SBNO2: variants seen among roughly 807,000 people sequenced by gnomAD.
SBNO2 encodes strawberry notch homolog 2, also known as protein strawberry notch homolog 2.
In SBNO2, 89 loss-of-function variants were observed where a neutral mutation model predicts 146.3. That is an observed-to-expected ratio of 0.61 (90% CI 0.51 to 0.73). The LOEUF is 0.73. SBNO2 is among the 30% of genes least tolerant of loss of function. The probability of loss-of-function intolerance (pLI) is 0.00; values close to 1 mark genes in which losing one functional copy is unlikely to be tolerated. For synonymous variants in SBNO2, 1,147 were observed against 892.6 expected, an observed-to-expected ratio of 1.29 and a Z score of -5.08; for missense variants, 2,092 against 2,003.7, an observed-to-expected ratio of 1.04 and a Z score of -0.84.
In SBNO2 at chr19:1,158,528, G is replaced by T. The variant is rs1158195678; in HGVS notation, c.-126-4126C>A. On this transcript the variant is annotated intron_variant, in intron 1 of 31. Coordinates refer to ENST00000361757, the MANE Select transcript of SBNO2 (RefSeq NM_014963.3). This position sits in a 1 kb window ranked among gnomAD's most constrained non-coding sequence, Gnocchi z 9.9. ...CCCAGGGCGCACGGCACACCCCAGA[G>T]CGCTCCGCCCAGGCCCGGGTTCTGG... Among the ~76,000 whole-genome samples the T allele has an allele frequency of 6.6e-6, 1 of 152,198 alleles. No individual in the cohort carries two copies. The highest frequency in any genetic ancestry group is 1.5e-5 in the Non-Finnish European group (1 of 68,034).
Position 1,119,923 on chromosome 19 carries a change from A to G in SBNO2, c.1250T>C (p.Val417Ala), listed in dbSNP as rs2079880094. 1 of 1,547,296 alleles carries G rather than the reference A, an allele frequency of 6.5e-7. No individual in the cohort carries two copies. Among genetic ancestry groups the G allele is most frequent in the Non-Finnish European group, 8.7e-7 (1 of 1,146,784 alleles). ...LQNKLPLARV[V>A]YASATGASEP... ...CGCCCCACCTGTGGCGCTGGCGTAGACCACGCGGGCCAGGGGCAGCTTGTT... is the reference window on the plus strand; with the variant it reads ...CGCCCCACCTGTGGCGCTGGCGTAGGCCACGCGGGCCAGGGGCAGCTTGTT... The change falls in exon 12 of 32, where the codon GTC (valine) becomes GCC (alanine). Residue 417 changes from valine to alanine, a missense_variant. Physicochemically the swap from Val to Ala is moderately conservative, Grantham distance 64. Transcript: ENST00000361757.
At chr19:1,153,569 C>T (rs2080261886) in intron 2 of SBNO2, among the ~76,000 whole-genome samples, 1 of 151,174 alleles carries the variant, frequency 6.6e-6, no homozygotes, top group African/African-American at 2.4e-5. Flanking sequence ...TGGAGTCTCA[C>T]TCTTGTCGCC....
At position 1,110,600 on chromosome 19, in the gene SBNO2, C is replaced by T. The variant is rs888087845; in HGVS notation, c.3028+145G>A. Reference sequence around the variant, plus strand: ...CGTTCCCACGAGCCCCTCGCCCACCCGGGATGCACGGTGTTCCCACGAGCC... The same window carrying T: ...CGTTCCCACGAGCCCCTCGCCCACCTGGGATGCACGGTGTTCCCACGAGCC... On this transcript the variant is annotated intron_variant, in intron 26 of 31. Coordinates refer to ENST00000361757, the MANE Select transcript of SBNO2 (RefSeq NM_014963.3). This position sits in a 1 kb window ranked among gnomAD's most constrained non-coding sequence, Gnocchi z 4.9. 17 of 987,728 alleles carry T rather than the reference C, an allele frequency of 1.7e-5. No homozygotes were observed. In the South Asian group the frequency reaches 2.0e-4, roughly 12 times the overall value. 61.2% of individuals were successfully genotyped at this position (987,728 alleles called of 1,614,324 possible). A position where few individuals can be genotyped will look rare whatever the true frequency, so the allele number is the denominator to read the frequency against.
At position 1,111,008 on chromosome 19, in the gene SBNO2, G is replaced by C. The variant is rs1271785577; in HGVS notation, c.2884+11C>G. 1 of 1,594,970 alleles carries C rather than the reference G, an allele frequency of 6.3e-7. No homozygotes were observed. Among genetic ancestry groups the C allele is most frequent in the African/African-American group, 1.3e-5 (1 of 74,410 alleles). On this transcript the variant is annotated intron_variant, in intron 25 of 31. Coordinates refer to ENST00000361757, the MANE Select transcript of SBNO2 (RefSeq NM_014963.3). ...CAGGAGCGCCTCTGGGCCTGGGTGT[G>C]GGGCACTCACCCTTCTCCACGTCCA... is the stretch of plus-strand genomic sequence containing the variant.
rs1011652198 is a variant in SBNO2 at position 1,133,008 on chromosome 19, G to A, written c.280-5243C>T. Among the ~76,000 whole-genome samples the A allele has an allele frequency of 9.8e-5, 15 of 152,360 alleles. No homozygotes were observed. In the Middle Eastern group the frequency reaches 0.01, roughly 104 times the overall value. Reference sequence around the variant, plus strand: ...CCGCGGCCACACTCTTGCCCGCACTGTGAGGACCCTGGCGCATCACAGGGG... The same window carrying A: ...CCGCGGCCACACTCTTGCCCGCACTATGAGGACCCTGGCGCATCACAGGGG... On this transcript the variant is annotated intron_variant, in intron 4 of 31. Transcript: ENST00000361757.
rs1246584560 is a variant in SBNO2 at position 1,158,120 on chromosome 19, C to T, written c.-126-3718G>A. On this transcript the variant is annotated intron_variant, in intron 1 of 31. Transcript: ENST00000361757. The surrounding 1 kb of genome is among the most constrained non-coding windows in gnomAD (Gnocchi z 9.9). ...TGAAGTCCCCGTCTTCCTGGCTGGA[C>T]GCCCCAGGGTCTCACCCCACGCTGT... Among the ~76,000 whole-genome samples the T allele has an allele frequency of 2.0e-5, 3 of 152,338 alleles. No homozygotes were observed. Among genetic ancestry groups the T allele is most frequent in the Admixed American group, 1.3e-4 (2 of 15,304 alleles).
At chr19:1,111,973 C>A (rs756643076) in intron 23 of SBNO2, 23 bp downstream of exon 23, 1 of 1,607,542 alleles carries the variant, frequency 6.2e-7, no homozygotes, top group South Asian at 1.1e-5. Flanking sequence ...CCCCGCCCCC[C>A]AACCCTGCCT....
chr19:1,112,957 C>G lies in SBNO2; in HGVS notation c.2248-8G>C. On this transcript the variant is annotated splice_polypyrimidine_tract_variant and splice_region_variant and intron_variant, in intron 19 of 31. Coordinates refer to ENST00000361757, the MANE Select transcript of SBNO2 (RefSeq NM_014963.3). This position sits in a 1 kb window ranked among gnomAD's most constrained non-coding sequence, Gnocchi z 5.9. ...GCCTTTCCTGCCGGTCATCTGCAGC[C>G]GAGACAGGGACAAAACCGGCCGTCA... 6.4e-7 allele frequency: 1 copy of G among 1,556,900 alleles called. No homozygotes were observed. Among genetic ancestry groups the G allele is most frequent in the Non-Finnish European group, 8.7e-7 (1 of 1,152,044 alleles).
chr19:1,132,153 G>A (rs1393050209), intron 4 of SBNO2: 4 of 1,471,598 alleles, frequency 2.7e-6, no homozygotes, highest in African/African-American at 1.5e-5. Flanking sequence ...CGCTCGGGGG[G>A]CCAGGGGTCC....
At chr19:1,128,378 G>C in intron 4 of SBNO2, 1 of 328,998 alleles carries the variant, frequency 3.0e-6, no homozygotes, top group East Asian at 1.0e-4. Flanking sequence ...CAGTGAAGGA[G>C]ATGTATGTAC....
In SBNO2 at chr19:1,139,565, C is replaced by T. The variant is rs566139797; in HGVS notation, c.279+7744G>A. Among the ~76,000 whole-genome samples the T allele has an allele frequency of 7.2e-5, 11 of 152,110 alleles. No homozygotes were observed. The East Asian group carries it at 1.5e-3, about 21-fold the overall frequency. ...ATCCCGACACTTTGGGAGGCCGAGGCGGATGGATCACCTGAGATCACGAGT... is the reference window on the plus strand; with the variant it reads ...ATCCCGACACTTTGGGAGGCCGAGGTGGATGGATCACCTGAGATCACGAGT... On this transcript the variant is annotated intron_variant, in intron 4 of 31. Coordinates refer to ENST00000361757, the MANE Select transcript of SBNO2 (RefSeq NM_014963.3).
intron 1 of SBNO2, among the ~76,000 whole-genome samples, chr19:1,159,356 G>A (rs181530062): frequency 3.3e-5 from 5 of 151,062 alleles, no homozygotes; most frequent in Non-Finnish European, 4.4e-5. Flanking sequence ...AGAGCGCTTC[G>A]TCCCTCAACA....
rs540434795 is a variant in SBNO2 at position 1,167,369 on chromosome 19, C to T, written c.-127+6803G>A. 3.4e-4 allele frequency among the ~76,000 whole-genome samples: 52 copies of T among 152,390 alleles called. 1 individual carries two copies. The Middle Eastern group carries it at 0.024, about 70-fold the overall frequency. On this transcript the variant is annotated intron_variant, in intron 1 of 31. Coordinates refer to ENST00000361757, the MANE Select transcript of SBNO2 (RefSeq NM_014963.3). ...AGGTGGGCTGGCTGCTCCACGGCCA[C>T]GGCTCCAAGGCCAAGGTCAAGGCAC...
rs1453245138 is a variant in SBNO2, at chr19:1,140,279, G to A, written c.279+7030C>T. 2.7e-5 allele frequency among the ~76,000 whole-genome samples: 4 copies of A among 150,238 alleles called. No homozygotes were observed. The highest frequency in any genetic ancestry group is 5.9e-5 in the Non-Finnish European group (4 of 67,674). ...CACGCCACTGCACTCCAGCCTGGGCGACAGAGCGAGATTTCATCTCAAAAA... is the reference window on the plus strand; with the variant it reads ...CACGCCACTGCACTCCAGCCTGGGCAACAGAGCGAGATTTCATCTCAAAAA... On this transcript the variant is annotated intron_variant, in intron 4 of 31. Coordinates refer to ENST00000361757, the MANE Select transcript of SBNO2 (RefSeq NM_014963.3). The surrounding 1 kb of genome is among the most constrained non-coding windows in gnomAD (Gnocchi z 4.4).
intron 4 of SBNO2, among the ~76,000 whole-genome samples, chr19:1,146,809 G>A (rs1336844242): frequency 6.9e-6 from 1 of 144,442 alleles, no homozygotes; most frequent in Non-Finnish European, 1.5e-5. Flanking sequence ...AGGCTGGGAG[G>A]GTGGGGGTGG....
chr19:1,109,828 T>C lies in SBNO2; in HGVS notation c.3029-51A>G. 7.3e-7 allele frequency: 1 copy of C among 1,364,216 alleles called. No individual in the cohort carries two copies. The highest frequency in any genetic ancestry group is 1.0e-6 in the Non-Finnish European group (1 of 980,840). The allele number at this position is 1,364,216 out of a possible 1,614,324, so 84.5% of individuals were successfully genotyped here. On this transcript the variant is annotated intron_variant, in intron 26 of 31. Coordinates refer to ENST00000361757, the MANE Select transcript of SBNO2 (RefSeq NM_014963.3). This position sits in a 1 kb window ranked among gnomAD's most constrained non-coding sequence, Gnocchi z 4.2. ...GGTGTCCAGGCCTGGGACTGTGGGC[T>C]GGGGCCAGGGTCAGTCCCGTAGCCG...
At chr19:1,154,142 G>A (rs753479823) in intron 2 of SBNO2, 42 bp downstream of exon 2, 28 of 1,029,700 alleles carry the variant, frequency 2.7e-5, no homozygotes, top group Admixed American at 4.3e-5. Flanking sequence ...GCAAGTGCCC[G>A]TGGACCCCGT....
chr19:1,117,188 T>A, intron 15 of SBNO2, 135 bp downstream of exon 15: 1 of 917,046 alleles, frequency 1.1e-6, no homozygotes, highest in South Asian at 1.7e-5. Context: ...AAGACGGACA[T>A]CCGGGCGTCT....
rs370315705 is a variant in SBNO2 at position 1,112,914 on chromosome 19, G to A, written c.2283C>T (p.Pro761=). 111 of 1,568,446 alleles carry A rather than the reference G, an allele frequency of 7.1e-5. No homozygotes were observed. In the African/African-American group the frequency reaches 1.2e-3, roughly 18 times the overall value. ...TGRKGRVVSR[P]DGTVAFESRA... ...GCGACTCGAAGGCCACCGTCCCGTC[G>A]GGCCTGGACACCACGCGGCCTTTCC... The change falls in exon 20 of 32, where the codon CCC becomes CCT. Residue 761 remains proline, a synonymous_variant. Transcript: ENST00000361757. This position sits in a 1 kb window ranked among gnomAD's most constrained non-coding sequence, Gnocchi z 5.9.
Sources: allele counts gnomAD v4.1 joint callset (sites outside exome capture counted in the v4.1 genomes callset), GRCh38; gene constraint gnomAD v4.1.1; non-coding constraint Gnocchi (gnomAD v3.1); transcripts MANE v1.5; gene names NCBI Gene and HGNC (gene_info 2026-07-23, HGNC 2026-07-21).